Variants in PALLD observed in about 807,000 individuals in gnomAD.
PALLD encodes the protein palladin.
Under a neutral mutation model 123.5 loss-of-function variants are expected in PALLD, and 61 were observed. The ratio of observed to expected loss-of-function variants is 0.49; its 90% CI spans 0.40 to 0.61. PALLD has a LOEUF of 0.61. PALLD is among the 20% of genes least tolerant of loss of function. PALLD has a pLI of 0.00. For missense variants in PALLD, 1,273 were observed against 1,377.0 expected, an observed-to-expected ratio of 0.92 and a Z score of 1.20; for synonymous variants, 465 against 496.4, an observed-to-expected ratio of 0.94 and a Z score of 0.84.
intron 2 of PALLD, among the ~76,000 whole-genome samples, chr4:168,595,175 G>A (rs951615453): frequency 3.3e-5 from 5 of 152,136 alleles, no homozygotes; most frequent in African/African-American, 1.2e-4. Flanking sequence ...TTGTGGTGGG[G>A]CCTGTGGTTA....
At chr4:168,601,802 A>G (rs1391683240) in intron 2 of PALLD, among the ~76,000 whole-genome samples, 2 of 152,186 alleles carry the variant, frequency 1.3e-5, no homozygotes, top group Non-Finnish European at 2.9e-5. Context: ...TCCAGGGGCC[A>G]AGGGTAGCTC....
chr4:168,583,073 C>A (rs952882153), intron 2 of PALLD, among the ~76,000 whole-genome samples: 1 of 152,130 alleles, frequency 6.6e-6, no homozygotes, highest in Non-Finnish European at 1.5e-5. Flanking sequence ...GACTTTAACT[C>A]TCTTCTATAT....
intron 12 of PALLD, among the ~76,000 whole-genome samples, chr4:168,895,816 ATC>A (rs1477762987): frequency 3.3e-5 from 5 of 152,256 alleles, no homozygotes; most frequent in African/African-American, 9.6e-5. Context: ...AGAAAATATT[ATC>A]TCTTTATCTT....
At chr4:168,849,125 C>T (rs1013511227) in intron 10 of PALLD, among the ~76,000 whole-genome samples, 1 of 152,246 alleles carries the variant, frequency 6.6e-6, no homozygotes, top group Non-Finnish European at 1.5e-5. Context: ...GGTTCTCCCA[C>T]ATGTTCACAT....
chr4:168,558,045 C>A (rs541697326), intron 2 of PALLD, among the ~76,000 whole-genome samples: 1 of 152,250 alleles, frequency 6.6e-6, no homozygotes, highest in Admixed American at 6.5e-5. Context: ...CTATGCAGAG[C>A]CCTTCGTCTC....
intron 10 of PALLD, among the ~76,000 whole-genome samples, chr4:168,888,401 A>G (rs981511657): frequency 2.6e-5 from 4 of 152,190 alleles, no homozygotes; most frequent in African/African-American, 9.7e-5. Flanking sequence ...GGGGTAGGGT[A>G]GTTCCATGGT....
intron 10 of PALLD, among the ~76,000 whole-genome samples, chr4:168,767,604 G>A (rs533624162): frequency 1.4e-5 from 2 of 146,766 alleles, no homozygotes; most frequent in Non-Finnish European, 3.0e-5. Context: ...CTGGCCTGCA[G>A]TGGCGCGATC....
intron 10 of PALLD, among the ~76,000 whole-genome samples, chr4:168,862,546 G>A (rs902231895): frequency 6.6e-6 from 1 of 152,178 alleles, no homozygotes; most frequent in African/African-American, 2.4e-5. Flanking sequence ...TGGGCAAAAA[G>A]ACTATGTTGT....
intron 10 of PALLD, among the ~76,000 whole-genome samples, chr4:168,818,943 TA>T (rs1742339448): frequency 6.6e-6 from 1 of 152,226 alleles, no homozygotes; most frequent in Admixed American, 6.5e-5. Context: ...GAAATAGTGC[TA>T]GTGTGTTATA....
chr4:168,803,016 G>A lies in PALLD; in HGVS notation c.1965-87906G>A, dbSNP rs142683902. 4.0e-3 allele frequency among the ~76,000 whole-genome samples: 604 copies of A among 152,298 alleles called. 4 individuals carry two copies. The highest frequency in any genetic ancestry group is 0.013 in the African/African-American group (558 of 41,560). ...CTACATTACATTTTTACTCAGTTAAGAGCAAACAATAATAGGTGAATAGCA... is the reference window on the plus strand; with the variant it reads ...CTACATTACATTTTTACTCAGTTAAAAGCAAACAATAATAGGTGAATAGCA... On this transcript the variant is annotated intron_variant, in intron 10 of 21. Transcript: ENST00000505667.
intron 2 of PALLD, among the ~76,000 whole-genome samples, chr4:168,513,342 A>G (rs971054861): frequency 1.1e-4 from 16 of 152,222 alleles, no homozygotes; most frequent in Non-Finnish European, 4.4e-5. Context: ...TGAAGGGAGT[A>G]TGCACTTAGA....
At chr4:168,866,841 C>A (rs1750357737) in intron 10 of PALLD, among the ~76,000 whole-genome samples, 1 of 152,178 alleles carries the variant, frequency 6.6e-6, no homozygotes, top group African/African-American at 2.4e-5. Context: ...CCAGCTGTCT[C>A]TATAGCTGTT....
intron 2 of PALLD, among the ~76,000 whole-genome samples, chr4:168,583,886 T>A (rs1242162383): frequency 2.6e-5 from 4 of 152,194 alleles, no homozygotes; most frequent in Admixed American, 2.6e-4. Context: ...CAATCCAAAC[T>A]GAGGTGGTGG....
intron 8 of PALLD, among the ~76,000 whole-genome samples, chr4:168,702,713 C>T (rs1215536068): frequency 1.3e-5 from 2 of 152,108 alleles, no homozygotes; most frequent in Admixed American, 6.6e-5. Flanking sequence ...CCTAATCAAT[C>T]TCTTACAGTA....
At chr4:168,760,277 G>A (rs754173826) in intron 10 of PALLD, among the ~76,000 whole-genome samples, 12 of 151,736 alleles carry the variant, frequency 7.9e-5, no homozygotes, top group Admixed American at 4.6e-4. Flanking sequence ...CCACAGGAGC[G>A]TTTGTGAACT....
chr4:168,523,381 T>C (rs763587404), intron 2 of PALLD, among the ~76,000 whole-genome samples: 4 of 152,168 alleles, frequency 2.6e-5, no homozygotes, highest in Non-Finnish European at 5.9e-5. Flanking sequence ...CACCATTATA[T>C]AGACATTACA....
rs892670787 is a variant in PALLD at position 168,713,642 on chromosome 4, T to A, written c.1964+1719T>A. ...TAATGTATATGGCAAGGGGGTAATA[T>A]CTACAGAATGTAGACAAAACAACTT... On this transcript the variant is annotated intron_variant, in intron 10 of 21. Coordinates refer to ENST00000505667, the MANE Select transcript of PALLD (RefSeq NM_001166108.2). Among the ~76,000 whole-genome samples the A allele has an allele frequency of 3.3e-5, 5 of 152,260 alleles. No individual in the cohort carries two copies. The East Asian group carries it at 7.7e-4, about 23-fold the overall frequency.
chr4:168,830,767 G>A (rs958623414), intron 10 of PALLD, among the ~76,000 whole-genome samples: 6 of 152,172 alleles, frequency 3.9e-5, no homozygotes, highest in Non-Finnish European at 7.3e-5. Context: ...ATTTCCGAGA[G>A]AGGAATAGAC....
At chr4:168,648,363 G>A (rs186284883) in intron 2 of PALLD, 1 of 152,248 alleles carries the variant, frequency 6.6e-6, no homozygotes, top group Admixed American at 6.5e-5. Context: ...TAATGAAGGG[G>A]GAAAAATGGG....
Sources: allele counts gnomAD v4.1 joint callset (sites outside exome capture counted in the v4.1 genomes callset), GRCh38; gene constraint gnomAD v4.1.1; transcripts MANE v1.5; gene names NCBI Gene and HGNC (gene_info 2026-07-23, HGNC 2026-07-21).